The following PTPRD variants were observed in gnomAD, a reference collection of about 807,000 sequenced individuals.
PTPRD encodes receptor-type tyrosine-protein phosphatase delta.
In PTPRD, 34 loss-of-function variants were observed where a neutral mutation model predicts 214.5. The observed-to-expected ratio is 0.16, with a 90% CI of 0.12 to 0.21. The LOEUF (loss-of-function observed/expected upper bound fraction) is 0.21, where lower values mean the gene tolerates loss of function less well. Ranked by LOEUF, PTPRD falls within the 10% of genes least tolerant of loss-of-function variation. The pLI is 1.00. For missense variants in PTPRD, 2,545 were observed against 2,398.7 expected, an observed-to-expected ratio of 1.06 and a Z score of -1.27; for synonymous variants, 1,128 against 845.7, an observed-to-expected ratio of 1.33 and a Z score of -5.79.
intron 29 of PTPRD, 47 bp from the exon 30 acceptor site, chr9:8,484,425 C>G: frequency 1.3e-6 from 2 of 1,557,930 alleles, no homozygotes; most frequent in Non-Finnish European, 1.7e-6. Context: ...ATCAGAGAGG[C>G]AAAATATATT....
At chr9:8,740,382 A>G (rs542705660) in intron 11 of PTPRD, among the ~76,000 whole-genome samples, 1 of 152,300 alleles carries the variant, frequency 6.6e-6, no homozygotes, top group African/African-American at 2.4e-5. Context: ...ACTTCTAAAC[A>G]TCCTCATGAA....
intron 10 of PTPRD, among the ~76,000 whole-genome samples, chr9:9,085,937 G>T (rs904410972): frequency 6.6e-6 from 1 of 152,108 alleles, no homozygotes; most frequent in African/African-American, 2.4e-5. Flanking sequence ...CTTTTTAGCA[G>T]ATGCTTGTGG....
chr9:10,198,487 CG>C (rs1377651025), intron 3 of PTPRD, among the ~76,000 whole-genome samples: 1 of 151,776 alleles, frequency 6.6e-6, no homozygotes, highest in Non-Finnish European at 1.5e-5. Flanking sequence ...CCTGAAGAGG[CG>C]GGTCAAAAAA....
At chr9:9,853,419 T>C (rs545231685) in intron 5 of PTPRD, among the ~76,000 whole-genome samples, 12 of 152,334 alleles carry the variant, frequency 7.9e-5, no homozygotes, top group South Asian at 6.2e-4. Context: ...AAACAGGCAA[T>C]GGACCTGATT....
At chr9:9,649,210 T>C (rs990929256) in intron 7 of PTPRD, among the ~76,000 whole-genome samples, 2 of 152,200 alleles carry the variant, frequency 1.3e-5, no homozygotes, top group African/African-American at 4.8e-5. Flanking sequence ...TGACCCTGTG[T>C]ACATATTAGC....
chr9:8,778,557 T>TGGGGGGGGGG (rs1299751639), intron 11 of PTPRD, among the ~76,000 whole-genome samples: 3 of 152,180 alleles, frequency 2.0e-5, no homozygotes, highest in Admixed American at 1.3e-4. Flanking sequence ...ATTCTTGCGC[T>TGGGGGGGGGG]GGGTCCTGGG....
At chr9:9,204,525 C>CACTCACG (rs772372468) in intron 9 of PTPRD, among the ~76,000 whole-genome samples, 5 of 152,144 alleles carry the variant, frequency 3.3e-5, no homozygotes, top group Admixed American at 6.6e-5. Flanking sequence ...TTTAAAGGAA[C>CACTCACG]ACTCACGAGT....
At chr9:8,507,214 G>T in intron 22 of PTPRD, 87 bp downstream of exon 22, 1 of 1,473,648 alleles carries the variant, frequency 6.8e-7, no homozygotes, top group South Asian at 1.4e-5. Context: ...ATAGCTCTCT[G>T]ACCAAGAATG....
At chr9:9,378,204 C>A (rs919484197) in intron 9 of PTPRD, among the ~76,000 whole-genome samples, 4 of 152,164 alleles carry the variant, frequency 2.6e-5, no homozygotes, top group African/African-American at 9.7e-5. Context: ...CACACTGCAA[C>A]CCCTGGCAAC....
At chr9:8,583,293 T>C (rs2093347073) in intron 14 of PTPRD, among the ~76,000 whole-genome samples, 1 of 129,940 alleles carries the variant, frequency 7.7e-6, no homozygotes, top group South Asian at 2.4e-4. Context: ...AGACCAGTAA[T>C]GATCTGTGGC....
intron 2 of PTPRD, chr9:10,532,370 C>G (rs1469534505): frequency 6.6e-6 from 1 of 152,276 alleles, no homozygotes; most frequent in African/African-American, 2.4e-5. Flanking sequence ...CAAAGAATCT[C>G]AGGCCAAGAA....
At chr9:10,017,395 G>A (rs951902150) in intron 4 of PTPRD, among the ~76,000 whole-genome samples, 7 of 151,496 alleles carry the variant, frequency 4.6e-5, no homozygotes, top group African/African-American at 1.7e-4. Flanking sequence ...TTTTCTTTAT[G>A]GACTATAAAC....
chr9:9,834,005 G>A (rs1361324037), intron 5 of PTPRD, among the ~76,000 whole-genome samples: 3 of 152,070 alleles, frequency 2.0e-5, no homozygotes. Flanking sequence ...AGGATTAAGA[G>A]ATTGAAGTAA....
At chr9:10,466,844 A>C (rs1239448872) in intron 2 of PTPRD, among the ~76,000 whole-genome samples, 3 of 152,122 alleles carry the variant, frequency 2.0e-5, no homozygotes, top group African/African-American at 7.2e-5. Flanking sequence ...AAGGAAAGGG[A>C]GAAATAGAAG....
At chr9:8,852,493 G>A (rs2154543297) in intron 11 of PTPRD, among the ~76,000 whole-genome samples, 1 of 152,316 alleles carries the variant, frequency 6.6e-6, no homozygotes, top group African/African-American at 2.4e-5. Flanking sequence ...TGTTGTAAAT[G>A]CTGGAGGAGC....
chr9:8,631,480 G>C (rs889725226), intron 14 of PTPRD, among the ~76,000 whole-genome samples: 2 of 151,712 alleles, frequency 1.3e-5, no homozygotes, highest in African/African-American at 4.8e-5. Context: ...CTTCTCTAGG[G>C]TTGTGTATCT....
intron 39 of PTPRD, among the ~76,000 whole-genome samples, chr9:8,364,786 A>G (rs749626769): frequency 6.6e-6 from 1 of 152,210 alleles, no homozygotes; most frequent in Non-Finnish European, 1.5e-5. Context: ...TACCCAGTGC[A>G]TTCAGGGTGC....
In PTPRD at chr9:8,965,540, G is replaced by A. The variant is rs538584526; in HGVS notation, c.-104+53157C>T. Among the ~76,000 whole-genome samples the A allele has an allele frequency of 7.9e-5, 12 of 152,178 alleles. No individual in the cohort carries two copies. The South Asian group carries it at 2.5e-3, about 32-fold the overall frequency. ...CAATGTTATTTGTGTATATATTTAG[G>A]ATAGTTAAGTCTTCTTGTTGATATG... On this transcript the variant is annotated intron_variant, in intron 11 of 45. Transcript: ENST00000381196.
chr9:9,138,074 T>C (rs1390566453), intron 10 of PTPRD, among the ~76,000 whole-genome samples: 4 of 152,150 alleles, frequency 2.6e-5, no homozygotes, highest in Non-Finnish European at 5.9e-5. Context: ...ATGCTAAAGC[T>C]CAAGACATTT....
Sources: allele counts gnomAD v4.1 joint callset (sites outside exome capture counted in the v4.1 genomes callset), GRCh38; gene constraint gnomAD v4.1.1; transcripts MANE v1.5; gene names NCBI Gene and HGNC (gene_info 2026-07-23, HGNC 2026-07-21).